The following ZFAT variants were observed in gnomAD, a reference collection of about 807,000 sequenced individuals.
ZFAT encodes the protein zinc finger protein ZFAT.
A neutral mutation model predicts 117.7 loss-of-function variants in ZFAT; 64 were observed. The ratio of observed to expected loss-of-function variants is 0.54; its 90% CI spans 0.44 to 0.67. The LOEUF is 0.67. ZFAT is among the 30% of genes least tolerant of loss of function. ZFAT has a pLI of 0.00. For missense variants in ZFAT, 1,433 were observed against 1,584.5 expected (o/e 0.90, Z 1.62); for synonymous variants, 679 against 615.0 (o/e 1.10, Z -1.54).
the ZFAT span, among the ~76,000 whole-genome samples, chr8:134,725,776 T>C: frequency 6.6e-6 from 1 of 151,672 alleles, no homozygotes; most frequent in Non-Finnish European, 1.5e-5. Flanking sequence ...TTTGGTAAGT[T>C]AATTAAGTCA....
At chr8:134,597,552 G>A (rs1234885267) in intron 7 of ZFAT, 1 of 152,082 alleles carries the variant, frequency 6.6e-6, no homozygotes, top group African/African-American at 2.4e-5. Context: ...TTTGGGCGGA[G>A]AGTACATTGT....
chr8:134,803,580 C>T, the ZFAT span, among the ~76,000 whole-genome samples: 1 of 152,132 alleles, frequency 6.6e-6, no homozygotes, highest in East Asian at 1.9e-4. Context: ...CCAAATAAGT[C>T]TTATAAACTA....
At chr8:134,708,258 C>A (rs140613287) in intron 1 of ZFAT, among the ~76,000 whole-genome samples, 1 of 152,114 alleles carries the variant, frequency 6.6e-6, no homozygotes, top group African/African-American at 2.4e-5. Context: ...TTCTTTGAGA[C>A]ATATTGCACA....
intron 11 of ZFAT, among the ~76,000 whole-genome samples, chr8:134,546,516 A>ATT (rs1822707785): frequency 6.6e-6 from 1 of 152,210 alleles, no homozygotes; most frequent in East Asian, 1.9e-4. Context: ...TTGAATTCAG[A>ATT]CTTAATTCAG....
chr8:134,810,836 C>G, the ZFAT span, among the ~76,000 whole-genome samples: 2 of 152,118 alleles, frequency 1.3e-5, no homozygotes, highest in Non-Finnish European at 2.9e-5. Flanking sequence ...AACCTTCCCC[C>G]TGAAAGTCTG....
chr8:134,610,906 A>T (rs1040343246), intron 3 of ZFAT, among the ~76,000 whole-genome samples: 5 of 152,248 alleles, frequency 3.3e-5, no homozygotes, highest in Admixed American at 2.0e-4. Context: ...TGAAGCAGAC[A>T]TAGTTTCTTG....
the ZFAT span, among the ~76,000 whole-genome samples, chr8:134,732,886 G>T: frequency 7.9e-5 from 12 of 152,124 alleles, no homozygotes; most frequent in Admixed American, 6.5e-4. Context: ...TCCTATAATG[G>T]TGGGTACATG....
chr8:134,565,377 TC>T lies in ZFAT; in HGVS notation c.2931del (p.Lys978SerfsTer32). The T allele has an allele frequency of 6.2e-7, 1 of 1,613,948 alleles. No individual in the cohort carries two copies. The highest frequency in any genetic ancestry group is 8.5e-7 in the Non-Finnish European group (1 of 1,179,880). On this transcript the variant is annotated frameshift_variant, in exon 11 of 16. Coordinates refer to ENST00000377838, the MANE Select transcript of ZFAT (RefSeq NM_020863.4). LOFTEE classifies it high-confidence loss of function. ...TCCATGTGCCGCAGCAGCTGTGGCTTCTGGGCCGCTGTGTAGTCACACACCG... is the reference window on the plus strand; with the variant it reads ...TCCATGTGCCGCAGCAGCTGTGGCTTTGGGCCGCTGTGTAGTCACACACCG... ...KCTVCDYTAA[Q>X]KPQLLRHMEQ...
the ZFAT span, among the ~76,000 whole-genome samples, chr8:134,754,592 C>T: frequency 1.3e-5 from 2 of 152,360 alleles, no homozygotes; most frequent in East Asian, 1.9e-4. Flanking sequence ...AAACAAGTCA[C>T]TCAGTCTTGC....
At chr8:134,757,009 C>CTT in the ZFAT span, among the ~76,000 whole-genome samples, 1,785 of 81,168 alleles carry the variant, frequency 0.022, 11 homozygotes, top group South Asian at 0.024. Flanking sequence ...ACCTTCTTTC[C>CTT]TTTTTTTTTT....
At chr8:134,603,015 A>C (rs1827630961) in intron 5 of ZFAT, 82 bp from the exon 6 acceptor site, 7 of 1,525,190 alleles carry the variant, frequency 4.6e-6, no homozygotes, top group Non-Finnish European at 5.3e-6. Context: ...TGAACCAAAC[A>C]CTAAAGGCTG....
the ZFAT span, among the ~76,000 whole-genome samples, chr8:134,802,315 CACAG>C: frequency 6.6e-6 from 1 of 152,152 alleles, no homozygotes; most frequent in African/African-American, 2.4e-5. Flanking sequence ...CCTGAGCACA[CACAG>C]CAAATAATGC....
chr8:134,542,249 T>A (rs1822309741), intron 11 of ZFAT, among the ~76,000 whole-genome samples: 1 of 152,224 alleles, frequency 6.6e-6, no homozygotes, highest in Non-Finnish European at 1.5e-5. Context: ...AAACTGCCCT[T>A]CTTACCCTAG....
chr8:134,643,477 G>A (rs1266715124), intron 2 of ZFAT, among the ~76,000 whole-genome samples: 3 of 152,308 alleles, frequency 2.0e-5, no homozygotes. Context: ...TGTCTAACAG[G>A]CAGTCACTAT....
intron 7 of ZFAT, 93 bp from the exon 8 acceptor site, chr8:134,590,448 C>A (rs1252971845): frequency 2.2e-6 from 2 of 915,096 alleles, no homozygotes; most frequent in Non-Finnish European, 3.4e-6. Flanking sequence ...TCACCCACCA[C>A]CACCACCACT....
In ZFAT at chr8:134,579,438, A is replaced by AT. The variant is rs539133813; in HGVS notation, c.2887+4393dup. ...AGCCAAGAGAAAGGGGAAACCCCTT[A>AT]TAAAACCATCAGATCTCGTGAGACT... On this transcript the variant is annotated intron_variant, in intron 10 of 15. Transcript: ENST00000377838. Among the ~76,000 whole-genome samples, 125 of 152,340 alleles carry AT rather than the reference A, an allele frequency of 8.2e-4. 3 individuals carry two copies. In the East Asian group the frequency reaches 0.02, roughly 24 times the overall value.
At chr8:134,614,618 G>A (rs1451781523) in intron 3 of ZFAT, among the ~76,000 whole-genome samples, 1 of 152,196 alleles carries the variant, frequency 6.6e-6, no homozygotes, top group Non-Finnish European at 1.5e-5. Context: ...GAAGCCTAAC[G>A]TAGGCCTCCA....
chr8:134,798,045 T>C, the ZFAT span: 3 of 151,896 alleles, frequency 2.0e-5, no homozygotes, highest in Admixed American at 6.6e-5. Context: ...ATAAACTCTA[T>C]TATATATTAC....
At chr8:134,618,256 C>A (rs1478572815) in intron 3 of ZFAT, among the ~76,000 whole-genome samples, 1 of 152,128 alleles carries the variant, frequency 6.6e-6, no homozygotes, top group Non-Finnish European at 1.5e-5. Context: ...GGACACTTTG[C>A]GACACCCATA....
Sources: allele counts gnomAD v4.1 joint callset (sites outside exome capture counted in the v4.1 genomes callset), GRCh38; gene constraint gnomAD v4.1.1; transcripts MANE v1.5; gene names NCBI Gene and HGNC (gene_info 2026-07-23, HGNC 2026-07-21).